NRXN3: variants seen among roughly 807,000 people sequenced by gnomAD.
The protein encoded by NRXN3 is neurexin III.
Under a neutral mutation model 137.6 loss-of-function variants are expected in NRXN3, and 32 were observed. That is an observed-to-expected ratio of 0.23 (90% CI 0.18 to 0.31). The LOEUF is 0.31. Among genes scored for constraint, NRXN3 ranks in the 10% least tolerant of loss-of-function variants. The pLI, the probability that NRXN3 is intolerant of heterozygous loss-of-function variation, is 1.00. For missense variants in NRXN3, 1,574 were observed against 2,062.5 expected (o/e 0.76, Z 4.59); for synonymous variants, 798 against 784.5 (o/e 1.02, Z -0.29).
intron 8 of NRXN3, among the ~76,000 whole-genome samples, chr14:78,716,562 TGAG>T (rs2098435035): frequency 1.3e-5 from 2 of 152,162 alleles, no homozygotes; most frequent in Admixed American, 6.5e-5. Context: ...AAGAACGTTT[TGAG>T]GAGAGACCTG....
At chr14:78,687,229 C>T (rs2098132627) in intron 6 of NRXN3, among the ~76,000 whole-genome samples, 1 of 152,090 alleles carries the variant, frequency 6.6e-6, no homozygotes, top group African/African-American at 2.4e-5. Context: ...ATTCTGGTTA[C>T]AATGAAAAAG....
At chr14:78,652,389 G>A (rs991670875) in intron 6 of NRXN3, among the ~76,000 whole-genome samples, 1 of 152,188 alleles carries the variant, frequency 6.6e-6, no homozygotes, top group Non-Finnish European at 1.5e-5. Context: ...CAACCTCTAA[G>A]GTCAATTGTT....
At chr14:78,307,943 C>T (rs1343471167) in intron 4 of NRXN3, among the ~76,000 whole-genome samples, 1 of 152,148 alleles carries the variant, frequency 6.6e-6, no homozygotes, top group Non-Finnish European at 1.5e-5. Flanking sequence ...TAAAGAGATA[C>T]TGCTCTTTTT....
chr14:78,333,519 A>G (rs902568699), intron 4 of NRXN3, among the ~76,000 whole-genome samples: 8 of 152,144 alleles, frequency 5.3e-5, no homozygotes, highest in African/African-American at 1.7e-4. Flanking sequence ...ATACATAGAT[A>G]GATGCTGGTA....
chr14:79,860,095 T>C (rs2099411147), intron 20 of NRXN3, among the ~76,000 whole-genome samples: 1 of 152,214 alleles, frequency 6.6e-6, no homozygotes, highest in Admixed American at 6.5e-5. Flanking sequence ...TGTTATTTAA[T>C]GAACTATTCT....
chr14:78,736,163 A>T (rs2098540378), intron 8 of NRXN3, among the ~76,000 whole-genome samples: 1 of 152,206 alleles, frequency 6.6e-6, no homozygotes, highest in Non-Finnish European at 1.5e-5. Flanking sequence ...AAGCTGCCAG[A>T]TGTCAATTTG....
chr14:79,671,113 A>G (rs1363981861), intron 17 of NRXN3, among the ~76,000 whole-genome samples: 1 of 152,146 alleles, frequency 6.6e-6, no homozygotes, highest in Non-Finnish European at 1.5e-5. Flanking sequence ...CTTCATGGGC[A>G]GCATCCTACT....
chr14:79,027,858 C>T (rs2099601142), intron 15 of NRXN3, among the ~76,000 whole-genome samples: 2 of 152,124 alleles, frequency 1.3e-5, no homozygotes, highest in Admixed American at 6.6e-5. Context: ...TCCCCTCTTC[C>T]CCCACAAAAT....
intron 8 of NRXN3, among the ~76,000 whole-genome samples, chr14:78,754,522 T>G (rs1281309045): frequency 6.6e-6 from 1 of 152,258 alleles, no homozygotes; most frequent in Non-Finnish European, 1.5e-5. Flanking sequence ...CAAGGTAATT[T>G]GCTCTTGGAA....
intron 4 of NRXN3, among the ~76,000 whole-genome samples, chr14:78,590,240 AGCATGGG>A (rs1450253537): frequency 6.6e-6 from 1 of 152,186 alleles, no homozygotes; most frequent in African/African-American, 2.4e-5. Context: ...TCTGCTCCCA[AGCATGGG>A]GCCTGTAGAA....
chr14:78,787,891 G>A (rs2098793766), intron 8 of NRXN3, among the ~76,000 whole-genome samples: 1 of 152,160 alleles, frequency 6.6e-6, no homozygotes, highest in South Asian at 2.1e-4. Flanking sequence ...TAGGGAGTTT[G>A]AGAACAGAAG....
chr14:79,254,414 A>C (rs2076314834), intron 15 of NRXN3, among the ~76,000 whole-genome samples: 1 of 152,174 alleles, frequency 6.6e-6, no homozygotes, highest in Admixed American at 6.5e-5. Flanking sequence ...TCACTTAATG[A>C]AGCTCCTTGG....
intron 19 of NRXN3, among the ~76,000 whole-genome samples, chr14:79,761,960 A>G (rs2099040211): frequency 6.6e-6 from 1 of 151,648 alleles, no homozygotes; most frequent in Admixed American, 6.6e-5. Flanking sequence ...TGCACTCAGC[A>G]TAAGCATTTG....
At chr14:78,497,906 A>G (rs1203394614) in intron 4 of NRXN3, among the ~76,000 whole-genome samples, 1 of 152,198 alleles carries the variant, frequency 6.6e-6, no homozygotes, top group Non-Finnish European at 1.5e-5. Context: ...AATTAATTCA[A>G]GTCCTTTTCA....
intron 15 of NRXN3, among the ~76,000 whole-genome samples, chr14:79,434,953 G>A (rs1409466269): frequency 1.3e-5 from 2 of 152,104 alleles, no homozygotes; most frequent in African/African-American, 4.8e-5. Context: ...TTCTGGAGAG[G>A]GACTGAGGTT....
intron 1 of NRXN3, among the ~76,000 whole-genome samples, chr14:78,229,808 G>A (rs962676781): frequency 6.6e-6 from 1 of 152,108 alleles, no homozygotes; most frequent in Non-Finnish European, 1.5e-5. Context: ...TGCCTCACAT[G>A]TTTATGTCTT....
intron 17 of NRXN3, among the ~76,000 whole-genome samples, chr14:79,668,714 G>A (rs150396131): frequency 6.6e-5 from 10 of 152,142 alleles, no homozygotes; most frequent in Non-Finnish European, 5.9e-5. Context: ...GAAGGGGGCG[G>A]GGTACTGTTT....
chr14:78,217,689 C>T (rs2063432671), intron 1 of NRXN3, among the ~76,000 whole-genome samples: 1 of 152,082 alleles, frequency 6.6e-6, no homozygotes, highest in Non-Finnish European at 1.5e-5. Flanking sequence ...TGAGATGGAG[C>T]CTTGCTCTGT....
chr14:78,185,371 AG>A (rs751541564), intron 1 of NRXN3, among the ~76,000 whole-genome samples: 1 of 152,196 alleles, frequency 6.6e-6, no homozygotes, highest in Non-Finnish European at 1.5e-5. Flanking sequence ...ATGACAGGCC[AG>A]GGAAGTAGCA....
Sources: gnomAD v4.1 joint callset for allele counts (sites outside exome capture counted in the v4.1 genomes callset) on GRCh38, gnomAD v4.1.1 for gene constraint, MANE v1.5 for transcripts, NCBI Gene and HGNC (gene_info 2026-07-23, HGNC 2026-07-21) for gene names.